The following ATP8A2 variants were observed in gnomAD, a reference collection of about 807,000 sequenced individuals.
ATP8A2 encodes the protein ATPase phospholipid transporting 8A2.
ATP8A2 carries 100 observed loss-of-function variants against 165.6 expected under a neutral mutation model. The observed-to-expected ratio is 0.60, with a 90% CI of 0.51 to 0.71. The LOEUF (loss-of-function observed/expected upper bound fraction) is 0.71. Among genes scored for constraint, ATP8A2 ranks in the 30% least tolerant of loss-of-function variants. The pLI, the probability that ATP8A2 is intolerant of heterozygous loss-of-function variation, is 0.00. For missense variants in ATP8A2, 1,227 were observed against 1,479.5 expected (o/e 0.83, Z 2.80); for synonymous variants, 543 against 548.8 (o/e 0.99, Z 0.15).
chr13:25,740,891 A>G (rs1373439193), intron 25 of ATP8A2, among the ~76,000 whole-genome samples: 2 of 152,168 alleles, frequency 1.3e-5, no homozygotes, highest in Non-Finnish European at 2.9e-5. Flanking sequence ...TGTTATCTCA[A>G]AAGGCTGAAA....
intron 28 of ATP8A2, among the ~76,000 whole-genome samples, chr13:25,833,671 T>C (rs914611927): frequency 8.5e-5 from 13 of 152,210 alleles, no homozygotes; most frequent in Middle Eastern, 3.4e-3. Flanking sequence ...GACTCCTATA[T>C]AGAAAAATTA....
intron 33 of ATP8A2, among the ~76,000 whole-genome samples, chr13:25,905,801 C>T (rs986996110): frequency 2.0e-5 from 3 of 152,234 alleles, no homozygotes; most frequent in Non-Finnish European, 4.4e-5. Context: ...CTTCCTGCCT[C>T]TAGAGTGGCC....
At chr13:25,451,843 A>G (rs2035231669) in intron 1 of ATP8A2, among the ~76,000 whole-genome samples, 1 of 132,586 alleles carries the variant, frequency 7.5e-6, no homozygotes, top group Non-Finnish European at 1.6e-5. Flanking sequence ...AAGCAAATAT[A>G]CCTTCATGGT....
chr13:25,936,360 C>G (rs904642015), intron 33 of ATP8A2, among the ~76,000 whole-genome samples: 2 of 152,204 alleles, frequency 1.3e-5, no homozygotes, highest in African/African-American at 2.4e-5. Flanking sequence ...GGCCATGGGC[C>G]TGAGTGTCTG....
intron 23 of ATP8A2, among the ~76,000 whole-genome samples, chr13:25,582,966 C>T (rs2039816588): frequency 1.3e-5 from 2 of 152,150 alleles, no homozygotes; most frequent in African/African-American, 4.8e-5. Flanking sequence ...AAGTTAAGCT[C>T]ACAAGAGAGT....
chr13:25,945,747 A>G (rs1566292406), intron 33 of ATP8A2, among the ~76,000 whole-genome samples: 1 of 152,136 alleles, frequency 6.6e-6, no homozygotes, highest in African/African-American at 2.4e-5. Context: ...GGGTCCCCGG[A>G]TTTTTCTGCT....
intron 1 of ATP8A2, among the ~76,000 whole-genome samples, chr13:25,443,279 A>G (rs1193095261): frequency 6.6e-6 from 1 of 152,202 alleles, no homozygotes; most frequent in Non-Finnish European, 1.5e-5. Flanking sequence ...CTTCAGATGG[A>G]ATTTTCTATT....
intron 25 of ATP8A2, among the ~76,000 whole-genome samples, chr13:25,714,101 G>A (rs939965517): frequency 2.0e-5 from 3 of 151,652 alleles, no homozygotes; most frequent in African/African-American, 4.9e-5. Flanking sequence ...AAAAGAAGCT[G>A]TATCCCTCTG....
chr13:26,016,029 TC>T (rs1255562446), intron 36 of ATP8A2, among the ~76,000 whole-genome samples: 1 of 152,194 alleles, frequency 6.6e-6, no homozygotes, highest in Non-Finnish European at 1.5e-5. Flanking sequence ...GTAAAACTCC[TC>T]CCATGACAGC....
At chr13:25,794,020 T>C (rs1468696708) in intron 27 of ATP8A2, among the ~76,000 whole-genome samples, 2 of 152,190 alleles carry the variant, frequency 1.3e-5, no homozygotes, top group Non-Finnish European at 2.9e-5. Context: ...TCGTCATCAA[T>C]ACATCATCCC....
chr13:25,382,892 A>G (rs572549593), intron 1 of ATP8A2, among the ~76,000 whole-genome samples: 2 of 151,068 alleles, frequency 1.3e-5, no homozygotes, highest in East Asian at 3.9e-4. Flanking sequence ...AGTAGCTGGG[A>G]CTACAGGTGC....
Position 26,023,502 on chromosome 13 carries a change from CTAGG to C in ATP8A2, c.*3520_*3523del, listed in dbSNP as rs1210404536. On this transcript the variant is annotated 3_prime_UTR_variant, in exon 37 of 37. Transcript: ENST00000381655. ...AAAAATGCGGGGGGGTGGAAAGAGC[CTAGG>C]TAACTAATGTCTTATAATGCATATG... The C allele has an allele frequency of 6.6e-6, 1 of 152,074 alleles. No homozygotes were observed. The highest frequency in any genetic ancestry group is 1.5e-5 in the Non-Finnish European group (1 of 68,034). The allele number at this position is 152,074 out of a possible 1,614,324, so 9.4% of individuals were successfully genotyped here.
intron 29 of ATP8A2, among the ~76,000 whole-genome samples, 184 bp downstream of exon 29, chr13:25,837,469 ACG>A (rs1175711798): frequency 3.4e-5 from 4 of 119,114 alleles, no homozygotes; most frequent in Non-Finnish European, 5.5e-5. Flanking sequence ...ACACACACAC[ACG>A]CCACAAACCC....
At chr13:25,538,196 C>G (rs1305655662) in intron 7 of ATP8A2, 135 bp downstream of exon 7, 27 of 573,578 alleles carry the variant, frequency 4.7e-5, no homozygotes, top group Non-Finnish European at 8.3e-5. Context: ...CATTTCTTGT[C>G]ATTTCCCTTC....
At position 26,022,812 on chromosome 13, in the gene ATP8A2, G is replaced by A. The variant is rs2057571; in HGVS notation, c.*2827G>A. On this transcript the variant is annotated 3_prime_UTR_variant, in exon 37 of 37. Coordinates refer to ENST00000381655, the MANE Select transcript of ATP8A2 (RefSeq NM_016529.6). Reference sequence around the variant, plus strand: ...AATGCCACATGGGGCTTGTCACTCCGCCAGACACTCACTGACTCACGGGCT... The same window carrying A: ...AATGCCACATGGGGCTTGTCACTCCACCAGACACTCACTGACTCACGGGCT... The A allele has an allele frequency of 0.068, 10,376 of 152,292 alleles. 518 individuals are homozygous for A. Among genetic ancestry groups the A allele is most frequent in the Non-Finnish European group, 0.11 (7,369 of 68,050 alleles). 9.4% of individuals were successfully genotyped at this position (152,292 alleles called of 1,614,324 possible).
chr13:25,387,493 C>A (rs960115652), intron 1 of ATP8A2, among the ~76,000 whole-genome samples: 1 of 152,062 alleles, frequency 6.6e-6, no homozygotes, highest in Non-Finnish European at 1.5e-5. Context: ...TGGTGGTCCA[C>A]TTCTGTCGTT....
At chr13:25,739,824 A>G (rs1280034332) in intron 25 of ATP8A2, among the ~76,000 whole-genome samples, 2 of 152,348 alleles carry the variant, frequency 1.3e-5, no homozygotes, top group South Asian at 4.1e-4. Flanking sequence ...GCAGGAAATA[A>G]CAAAATGAGA....
chr13:25,391,662 A>G (rs1036371318), intron 1 of ATP8A2, among the ~76,000 whole-genome samples: 9 of 152,228 alleles, frequency 5.9e-5, no homozygotes, highest in Non-Finnish European at 1.3e-4. Context: ...GTCAACAAGT[A>G]CAAAAAATAG....
At chr13:25,780,493 C>T (rs1375397688) in intron 27 of ATP8A2, among the ~76,000 whole-genome samples, 1 of 152,082 alleles carries the variant, frequency 6.6e-6, no homozygotes, top group Admixed American at 6.5e-5. Flanking sequence ...TATTCTAAGA[C>T]CACAGCAATT....
Sources: allele counts gnomAD v4.1 joint callset (sites outside exome capture counted in the v4.1 genomes callset), GRCh38; gene constraint gnomAD v4.1.1; transcripts MANE v1.5; gene names NCBI Gene and HGNC (gene_info 2026-07-23, HGNC 2026-07-21).